Variants in KLF9 observed in about 807,000 individuals in gnomAD.
KLF9 encodes the protein KLF transcription factor 9.
KLF9 carries 2 observed loss-of-function variants against 17.3 expected under a neutral mutation model. The observed-to-expected ratio is 0.12, with a 90% CI of 0.05 to 0.36. KLF9 has a LOEUF of 0.36. KLF9 is among the 10% of genes least tolerant of loss of function. The pLI is 1.00. For synonymous variants in KLF9, 138 were observed against 139.2 expected (o/e 0.99, Z 0.06); for missense variants, 226 against 333.2 (o/e 0.68, Z 2.51).
Position 70,386,923 on chromosome 9 carries a change from T to C in KLF9, c.*853A>G, listed in dbSNP as rs972108698. ...TTATAACGTGGTGCCAAACAGAACA[T>C]CTGCTTCTATCCTCAAAGCATGTAT... On this transcript the variant is annotated 3_prime_UTR_variant, in exon 2 of 2. Transcript: ENST00000377126. The C allele has an allele frequency of 6.6e-6, 1 of 152,638 alleles. No homozygotes were observed. Among genetic ancestry groups the C allele is most frequent in the African/African-American group, 2.4e-5 (1 of 41,452 alleles). The allele number at this position is 152,638 out of a possible 1,614,324, so 9.5% of individuals were successfully genotyped here.
chr9:70,388,304 TA>T (rs1334793289), intron 1 of KLF9, among the ~76,000 whole-genome samples: 1 of 152,134 alleles, frequency 6.6e-6, no homozygotes, highest in African/African-American at 2.4e-5. Flanking sequence ...ATGTGAAGAC[TA>T]GGGAAGACCT....
In KLF9 at chr9:70,387,842, C is replaced by A; in HGVS notation, c.669G>T (p.Arg223=). The change falls in exon 2 of 2, where the codon CGG becomes CGT. Residue 223 remains arginine (R), a synonymous_variant. Coordinates refer to ENST00000377126, the MANE Select transcript of KLF9 (RefSeq NM_001206.4). ...TGCTGGGGTGGAACTCGGTGTGCCG[C>A]CGGGCGTGCTTTGTGAGGTGGTCAC... ...MRSDHLTKHA[R]RHTEFHPSMI... 6.2e-7 allele frequency: 1 copy of A among 1,614,042 alleles called. No homozygotes were observed. Among genetic ancestry groups the A allele is most frequent in the Non-Finnish European group, 8.5e-7 (1 of 1,180,008 alleles).
At chr9:70,401,045 G>A (rs953733912) in intron 1 of KLF9, among the ~76,000 whole-genome samples, 3 of 151,784 alleles carry the variant, frequency 2.0e-5, no homozygotes, top group South Asian at 4.2e-4. Context: ...GAAATGCCTC[G>A]GGTTAGGCTG....
intron 1 of KLF9, among the ~76,000 whole-genome samples, chr9:70,390,648 C>A (rs992551715): frequency 1.3e-5 from 2 of 151,944 alleles, no homozygotes; most frequent in African/African-American, 2.4e-5. Flanking sequence ...CACACACACA[C>A]ATACACACAC....
intron 1 of KLF9, among the ~76,000 whole-genome samples, chr9:70,405,444 C>T (rs897440324): frequency 2.0e-5 from 3 of 152,300 alleles, no homozygotes; most frequent in Non-Finnish European, 4.4e-5. Context: ...TAAGGATTGG[C>T]CTTTCTCCTG....
At chr9:70,408,338 G>A (rs2037271787) in intron 1 of KLF9, among the ~76,000 whole-genome samples, 1 of 152,208 alleles carries the variant, frequency 6.6e-6, no homozygotes, top group Non-Finnish European at 1.5e-5. Flanking sequence ...ACAGTTACCT[G>A]TGCAAGCCCC....
At chr9:70,402,243 G>A (rs1343042379) in intron 1 of KLF9, among the ~76,000 whole-genome samples, 1 of 152,108 alleles carries the variant, frequency 6.6e-6, no homozygotes, top group Non-Finnish European at 1.5e-5. Flanking sequence ...CCTTAAAATG[G>A]TAATGGTACA....
chr9:70,407,879 C>T (rs1226645349), intron 1 of KLF9, among the ~76,000 whole-genome samples: 1 of 152,186 alleles, frequency 6.6e-6, no homozygotes, highest in Non-Finnish European at 1.5e-5. Context: ...TGTATGCAGC[C>T]TTTTGCATAG....
Position 70,413,467 on chromosome 9 carries a change from G to A in KLF9, c.-104C>T. 8.4e-7 allele frequency: 1 copy of A among 1,192,134 alleles called. No homozygotes were observed. The highest frequency in any genetic ancestry group is 3.4e-5 in the East Asian group (1 of 29,750). The allele number at this position is 1,192,134 out of a possible 1,614,324, so 73.8% of individuals were successfully genotyped here. A position where few individuals can be genotyped will look rare whatever the true frequency, so the allele number is the denominator to read the frequency against. ...TCGGACGACGAGCGCGGCGCGGCGCGGCACGGCGCGGCGGCCAAGGGGGCG... is the reference window on the plus strand; with the variant it reads ...TCGGACGACGAGCGCGGCGCGGCGCAGCACGGCGCGGCGGCCAAGGGGGCG... On this transcript the variant is annotated 5_prime_UTR_variant, in exon 1 of 2. Transcript: ENST00000377126. The surrounding 1 kb of genome is among the most constrained non-coding windows in gnomAD (Gnocchi z 5.6).
At chr9:70,394,024 CAAAAAAAAA>C (rs10717844) in intron 1 of KLF9, among the ~76,000 whole-genome samples, 1 of 80,560 alleles carries the variant, frequency 1.2e-5, no homozygotes, top group Non-Finnish European at 2.6e-5. Context: ...GACCCTGTCT[CAAAAAAAAA>C]AAAAAAAAAA....
At chr9:70,402,872 G>A (rs11142399) in intron 1 of KLF9, among the ~76,000 whole-genome samples, 4,376 of 152,196 alleles carry the variant, frequency 0.029, 89 homozygotes, top group Middle Eastern at 0.061. Context: ...GATGATAGCC[G>A]GGCATGGTGG....
intron 1 of KLF9, among the ~76,000 whole-genome samples, chr9:70,411,140 C>T (rs1165062037): frequency 1.3e-5 from 2 of 152,244 alleles, no homozygotes; most frequent in Admixed American, 6.5e-5. Flanking sequence ...AAAAATCACT[C>T]AGCCGAATGG....
At chr9:70,395,108 A>G (rs1400052723) in intron 1 of KLF9, among the ~76,000 whole-genome samples, 1 of 152,234 alleles carries the variant, frequency 6.6e-6, no homozygotes, top group African/African-American at 2.4e-5. Flanking sequence ...TAATTAAGAT[A>G]GTGAGATAGC....
At chr9:70,390,659 T>A (rs13299436) in intron 1 of KLF9, among the ~76,000 whole-genome samples, 7,884 of 146,360 alleles carry the variant, frequency 0.054, 266 homozygotes, top group Non-Finnish European at 0.076. Flanking sequence ...ATACACACAC[T>A]CTCTCTCTCT....
intron 1 of KLF9, among the ~76,000 whole-genome samples, chr9:70,393,410 GT>G (rs2037164034): frequency 6.6e-6 from 1 of 152,186 alleles, no homozygotes; most frequent in South Asian, 2.1e-4. Context: ...TACTTGCCAA[GT>G]GCCAAGCTTG....
At chr9:70,409,242 A>C (rs2037293441) in intron 1 of KLF9, among the ~76,000 whole-genome samples, 1 of 141,374 alleles carries the variant, frequency 7.1e-6, no homozygotes, top group Non-Finnish European at 1.5e-5. Flanking sequence ...ACTGAAAAAT[A>C]TTTTTTCATA....
intron 1 of KLF9, among the ~76,000 whole-genome samples, chr9:70,398,152 T>C (rs1314500852): frequency 6.6e-6 from 1 of 152,140 alleles, no homozygotes; most frequent in African/African-American, 2.4e-5. Context: ...TTACTACCAT[T>C]TGCTTCTGAC....
chr9:70,411,556 C>G (rs1351511897), intron 1 of KLF9, among the ~76,000 whole-genome samples: 1 of 152,184 alleles, frequency 6.6e-6, no homozygotes, highest in Non-Finnish European at 1.5e-5. Flanking sequence ...ATTCCGGTGC[C>G]AGCAGCCACC....
intron 1 of KLF9, among the ~76,000 whole-genome samples, chr9:70,394,318 C>CACACACA (rs1203369745): frequency 6.6e-6 from 1 of 151,696 alleles, no homozygotes; most frequent in Non-Finnish European, 1.5e-5. Flanking sequence ...CACACACACA[C>CACACACA]ATTTAGTATC....
Sources: gnomAD v4.1 joint callset for allele counts (sites outside exome capture counted in the v4.1 genomes callset) on GRCh38, gnomAD v4.1.1 for gene constraint, Gnocchi (gnomAD v3.1) non-coding constraint, MANE v1.5 for transcripts, NCBI Gene and HGNC (gene_info 2026-07-23, HGNC 2026-07-21) for gene names.